The following SWAP70 variants were observed in gnomAD, a reference collection of about 807,000 sequenced individuals.
The protein encoded by SWAP70 is switch-associated protein 70.
In SWAP70, 34 loss-of-function variants were observed where a neutral mutation model predicts 80.2. That is an observed-to-expected ratio of 0.42 (90% confidence interval 0.32 to 0.56). The LOEUF is 0.56. Among genes scored for constraint, SWAP70 ranks in the 20% least tolerant of loss-of-function variants. The probability of loss-of-function intolerance (pLI) is 0.09; values close to 1 mark genes in which losing one functional copy is unlikely to be tolerated. For missense variants in SWAP70, 578 were observed against 690.7 expected (o/e 0.84, Z 1.83); for synonymous variants, 239 against 238.5 (o/e 1.00, Z -0.02).
chr11:9,726,875 A>C, intron 4 of SWAP70: 1 of 456,292 alleles, frequency 2.2e-6, no homozygotes, highest in South Asian at 1.5e-5. Flanking sequence ...AGAAGCCAGT[A>C]TTTGAACTCC....
rs148097618 is a variant in SWAP70, at chr11:9,664,179, C to T, written c.-1C>T. 25 of 1,574,000 alleles carry T rather than the reference C, an allele frequency of 1.6e-5. No individual in the cohort carries two copies. In the Admixed American group the frequency reaches 3.5e-4, roughly 22 times the overall value. On this transcript the variant is annotated 5_prime_UTR_variant, in exon 1 of 12. Transcript: ENST00000318950. ...GTTGGCGGGGCAGCAGGGCCGCGGCCATGGGGAGCTTGAAGGAGGAGCTGC... is the reference window on the plus strand; with the variant it reads ...GTTGGCGGGGCAGCAGGGCCGCGGCTATGGGGAGCTTGAAGGAGGAGCTGC...
At chr11:9,723,771 CTTTTTTTTTTT>C (rs34551025) in intron 3 of SWAP70, among the ~76,000 whole-genome samples, 2 of 124,614 alleles carry the variant, frequency 1.6e-5, no homozygotes, top group Admixed American at 8.2e-5. Context: ...TCCTTCTTTA[CTTTTTTTTTTT>C]TTTTTTTTTG....
At chr11:9,723,971 G>A (rs1346005493) in intron 3 of SWAP70, among the ~76,000 whole-genome samples, 2 of 152,106 alleles carry the variant, frequency 1.3e-5, no homozygotes, top group Non-Finnish European at 2.9e-5. Context: ...ACAGGGTTTC[G>A]CCATGTTGGC....
At chr11:9,691,159 C>G (rs550599235) in intron 1 of SWAP70, among the ~76,000 whole-genome samples, 1 of 152,162 alleles carries the variant, frequency 6.6e-6, no homozygotes, top group Non-Finnish European at 1.5e-5. Flanking sequence ...CTCTAGCTAT[C>G]CTCTTGTTTC....
At chr11:9,724,511 G>A in intron 3 of SWAP70, 147 bp from the exon 4 acceptor site, 3 of 609,772 alleles carry the variant, frequency 4.9e-6, no homozygotes, top group Non-Finnish European at 8.5e-6. Flanking sequence ...TTCTCTCCCT[G>A]TATTTTAGGA....
intron 2 of SWAP70, among the ~76,000 whole-genome samples, chr11:9,705,951 A>G (rs1395726785): frequency 3.8e-5 from 2 of 53,284 alleles, no homozygotes; most frequent in African/African-American, 1.5e-4. Flanking sequence ...GGTGATCTGT[A>G]TACACTGGTG....
chr11:9,740,151 C>T, intron 8 of SWAP70, 30 bp from the exon 9 acceptor site: 11 of 1,603,152 alleles, frequency 6.9e-6, no homozygotes, highest in Non-Finnish European at 8.5e-6. Flanking sequence ...AGTCAACCTG[C>T]ATTTAAACAA....
chr11:9,719,717 T>G (rs1851111745), intron 3 of SWAP70, among the ~76,000 whole-genome samples: 1 of 152,206 alleles, frequency 6.6e-6, no homozygotes, highest in Admixed American at 6.5e-5. Context: ...TTAGAATATA[T>G]TCCTGGAAAT....
chr11:9,699,344 C>T (rs1185405814), intron 2 of SWAP70, among the ~76,000 whole-genome samples: 1 of 151,466 alleles, frequency 6.6e-6, no homozygotes, highest in Non-Finnish European at 1.5e-5. Context: ...TTAAATTGTA[C>T]CAAAATTGAT....
In SWAP70 at chr11:9,664,293, A is replaced by T; in HGVS notation, c.99+15A>T. 6.4e-7 allele frequency: 1 copy of T among 1,551,244 alleles called. No individual in the cohort carries two copies. The highest frequency in any genetic ancestry group is 8.7e-7 in the Non-Finnish European group (1 of 1,148,992). Reference sequence around the variant, plus strand: ...CCCAGCTCAAGGTGGGCGCCTCCTGACCCGGCCCCCCACCCGACCCTCCCC... The same window carrying T: ...CCCAGCTCAAGGTGGGCGCCTCCTGTCCCGGCCCCCCACCCGACCCTCCCC... On this transcript the variant is annotated intron_variant, in intron 1 of 11. Coordinates refer to ENST00000318950, the MANE Select transcript of SWAP70 (RefSeq NM_015055.4).
Position 9,680,666 on chromosome 11 carries a change from A to G in SWAP70, c.100-13480A>G, listed in dbSNP as rs561018337. Among the ~76,000 whole-genome samples the G allele has an allele frequency of 3.6e-3, 554 of 152,250 alleles. 1 individual carries two copies. The highest frequency in any genetic ancestry group is 0.012 in the African/African-American group (492 of 41,566). On this transcript the variant is annotated intron_variant, in intron 1 of 11. Transcript: ENST00000318950. ...CCTGACCTCAGGTGATCCACCCGCCACAGCCTCCTGAAGTGCTGGGATTGC... is the reference window on the plus strand; with the variant it reads ...CCTGACCTCAGGTGATCCACCCGCCGCAGCCTCCTGAAGTGCTGGGATTGC...
intron 3 of SWAP70, 43 bp from the exon 4 acceptor site, chr11:9,724,615 T>C (rs1851181963): frequency 6.8e-7 from 1 of 1,468,134 alleles, no homozygotes; most frequent in East Asian, 2.4e-5. Context: ...TATGTTAAAG[T>C]TTTTTTTAAC....
intron 1 of SWAP70, among the ~76,000 whole-genome samples, chr11:9,664,489 G>A (rs995728025): frequency 1.3e-5 from 2 of 152,272 alleles, no homozygotes; most frequent in Non-Finnish European, 2.9e-5. Context: ...TCGGTTGGAT[G>A]TGTTAGTTCC....
chr11:9,684,452 A>C (rs577076540), intron 1 of SWAP70, among the ~76,000 whole-genome samples: 21 of 152,152 alleles, frequency 1.4e-4, no homozygotes, highest in Admixed American at 2.6e-4. Context: ...TGAGTGTACT[A>C]AATTAAACTT....
rs141630361 is a variant in SWAP70 at position 9,667,650 on chromosome 11, C to T, written c.99+3372C>T. On this transcript the variant is annotated intron_variant, in intron 1 of 11. Coordinates refer to ENST00000318950, the MANE Select transcript of SWAP70 (RefSeq NM_015055.4). ...CGATCATGGCTCAATGCAGCCTCAA[C>T]CTCCTGGGCTCAAGCAGTCCTCCCA... Among the ~76,000 whole-genome samples the T allele has an allele frequency of 2.0e-3, 307 of 150,454 alleles. 2 individuals are homozygous for T. The highest frequency in any genetic ancestry group is 6.9e-3 in the Middle Eastern group (2 of 290).
chr11:9,747,844 C>A lies in SWAP70; in HGVS notation c.1356-14C>A. ...TGGGCAGGATTTGATCTGGAGCTTT[C>A]CTCCACATTGTAGGTTGTTGGAGGA... On this transcript the variant is annotated splice_polypyrimidine_tract_variant and intron_variant, in intron 9 of 11. Coordinates refer to ENST00000318950, the MANE Select transcript of SWAP70 (RefSeq NM_015055.4). The A allele has an allele frequency of 1.2e-6, 2 of 1,613,460 alleles. No individual in the cohort carries two copies. Among genetic ancestry groups the A allele is most frequent in the Non-Finnish European group, 1.7e-6 (2 of 1,179,422 alleles).
intron 3 of SWAP70, chr11:9,720,083 C>T: frequency 1.0e-6 from 1 of 985,298 alleles, no homozygotes. Context: ...ATGCAGGCCA[C>T]TAGAGACTAA....
intron 3 of SWAP70, among the ~76,000 whole-genome samples, chr11:9,719,315 C>T (rs986865658): frequency 1.3e-5 from 2 of 151,244 alleles, no homozygotes; most frequent in Admixed American, 6.6e-5. Flanking sequence ...GTCAAGGCTG[C>T]TGTGAGCCAA....
rs1053830247 is a variant in SWAP70 at position 9,714,931 on chromosome 11, G to A, written c.414+1292G>A. Among the ~76,000 whole-genome samples the A allele has an allele frequency of 5.4e-5, 8 of 149,202 alleles. No individual in the cohort carries two copies. In the South Asian group the frequency reaches 1.7e-3, roughly 32 times the overall value. On this transcript the variant is annotated intron_variant, in intron 3 of 11. Coordinates refer to ENST00000318950, the MANE Select transcript of SWAP70 (RefSeq NM_015055.4). ...AGGTTCAAATGATTCTGCACCCCGCGGAGTAGCTGTGATTACAGGTGCCTG... is the reference window on the plus strand; with the variant it reads ...AGGTTCAAATGATTCTGCACCCCGCAGAGTAGCTGTGATTACAGGTGCCTG...
Sources: gnomAD v4.1 joint callset for allele counts (sites outside exome capture counted in the v4.1 genomes callset) on GRCh38, gnomAD v4.1.1 for gene constraint, MANE v1.5 for transcripts, NCBI Gene and HGNC (gene_info 2026-07-23, HGNC 2026-07-21) for gene names.